Variants in GDF10 observed in about 807,000 individuals in gnomAD.
GDF10 encodes growth/differentiation factor 10.
In GDF10, 23 loss-of-function variants were observed where a neutral mutation model predicts 32.1. The ratio of observed to expected loss-of-function variants is 0.72; its 90% CI spans 0.52 to 1.02. The LOEUF is 1.02. Ranked by LOEUF, GDF10 falls within the 50% of genes least tolerant of loss-of-function variation. GDF10 has a pLI of 0.00. For missense variants in GDF10, 764 were observed against 673.9 expected, an observed-to-expected ratio of 1.13 and a Z score of -1.48; for synonymous variants, 328 against 303.1, an observed-to-expected ratio of 1.08 and a Z score of -0.85.
chr10:47,311,420 GCA>G (rs1158281176), intron 2 of GDF10, among the ~76,000 whole-genome samples: 1 of 152,202 alleles, frequency 6.6e-6, no homozygotes, highest in Non-Finnish European at 1.5e-5. Context: ...TCGGCACTCA[GCA>G]CACAGTTTCT....
chr10:47,309,314 A>G (rs2061034191), intron 1 of GDF10, among the ~76,000 whole-genome samples: 1 of 152,202 alleles, frequency 6.6e-6, no homozygotes, highest in East Asian at 1.9e-4. Flanking sequence ...TAATGATTGC[A>G]TTTAAAAACT....
chr10:47,305,915 G>T (rs542053208), intron 1 of GDF10, among the ~76,000 whole-genome samples: 7 of 152,176 alleles, frequency 4.6e-5, no homozygotes, highest in African/African-American at 1.4e-4. Context: ...TTTGCAAAAC[G>T]TGCTGCAGTT....
intron 2 of GDF10, among the ~76,000 whole-genome samples, 193 bp from the exon 3 acceptor site, chr10:47,312,408 C>T (rs1471266022): frequency 3.3e-5 from 5 of 152,188 alleles, no homozygotes; most frequent in South Asian, 2.1e-4. Context: ...CGGAACTCAG[C>T]GTATGTCTGA....
At position 47,300,393 on chromosome 10, in the gene GDF10, C is replaced by A. The variant is rs1391536234; in HGVS notation, c.-259C>A. The A allele has an allele frequency of 5.5e-5, 21 of 380,444 alleles. No individual in the cohort carries two copies. In the East Asian group the frequency reaches 8.2e-4, roughly 15 times the overall value. The allele number at this position is 380,444 out of a possible 1,614,324, so 23.6% of individuals were successfully genotyped here. ...AGTCCGCCAAGGCAGCGCGCCGACT[C>A]GGGCTCGGCTCGGCTCTGCGCTGCT... On this transcript the variant is annotated 5_prime_UTR_variant, in exon 1 of 3. Coordinates refer to ENST00000580279, the MANE Select transcript of GDF10 (RefSeq NM_004962.5).
In GDF10 at chr10:47,310,188, A is replaced by G; in HGVS notation, c.712A>G (p.Ser238Gly). ...EERDPGVPRP[S>G]PYAPYILVYA... ...GAGGGACCCGGGGGTGCCCCGGCCC[A>G]GCCCCTATGCGCCCTACATCCTAGT... Residue 238 changes from serine (S) to glycine (G), a missense_variant, in exon 2 of 3, where the codon AGC (serine) becomes GGC (glycine). Transcript: ENST00000580279. The G allele has an allele frequency of 6.2e-7, 1 of 1,611,888 alleles. No homozygotes were observed. Among genetic ancestry groups the G allele is most frequent in the Non-Finnish European group, 8.5e-7 (1 of 1,179,290 alleles).
rs1279907168 is a variant in GDF10 at position 47,310,476 on chromosome 10, C to G, written c.1000C>G (p.Arg334Gly). 3.7e-6 allele frequency: 6 copies of G among 1,613,592 alleles called. No homozygotes were observed. The African/African-American group carries it at 6.7e-5, about 18-fold the overall frequency. The change falls in exon 2 of 3, where the codon CGG becomes GGG. Residue 334 changes from arginine (R) to glycine (G), a missense_variant. Coordinates refer to ENST00000580279, the MANE Select transcript of GDF10 (RefSeq NM_004962.5). ...WPSPFRALKP[R>G]PGRKDRRKKG... Reference sequence around the variant, plus strand: ...CAGCCCCTTCCGGGCGCTGAAACCCCGGCCAGGGCGCAAAGACCGCAGGAA... The same window carrying G: ...CAGCCCCTTCCGGGCGCTGAAACCCGGGCCAGGGCGCAAAGACCGCAGGAA...
rs1555207896 is a variant in GDF10 at position 47,312,712 on chromosome 10, G to A, written c.1357G>A (p.Val453Ile). Residue 453 changes from valine (V) to isoleucine (I), a missense_variant, in exon 3 of 3, where the codon GTC (valine) becomes ATC (isoleucine). Physicochemically the swap from Val to Ile is conservative, Grantham distance 29. Coordinates refer to ENST00000580279, the MANE Select transcript of GDF10 (RefSeq NM_004962.5). ...CVPDKMNSLG[V>I]LFLDENRNVV... ...TCCCGATAAGATGAACTCCCTTGGG[G>A]TCCTCTTCCTGGATGAGAATCGGAA... 3 of 1,608,526 alleles carry A rather than the reference G, an allele frequency of 1.9e-6. No homozygotes were observed.
intron 1 of GDF10, among the ~76,000 whole-genome samples, chr10:47,304,672 A>G (rs1465718522): frequency 6.6e-6 from 1 of 152,230 alleles, no homozygotes; most frequent in Non-Finnish European, 1.5e-5. Context: ...ATATGGATAT[A>G]TGGATATATT....
chr10:47,301,078 G>T (rs2061003213), intron 1 of GDF10, 108 bp downstream of exon 1: 2 of 713,998 alleles, frequency 2.8e-6, no homozygotes, highest in Non-Finnish European at 4.3e-6. Context: ...CAACGGGTGA[G>T]TGGTTCATTC....
rs782613346 is a variant in GDF10 at position 47,309,950 on chromosome 10, A to C, written c.474A>C (p.Ser158=). The C allele has an allele frequency of 4.3e-6, 7 of 1,612,328 alleles. No homozygotes were observed. The East Asian group carries it at 8.9e-5, about 21-fold the overall frequency. The change falls in exon 2 of 3, where the codon TCA becomes TCC. Residue 158 remains serine (S), a synonymous_variant. Coordinates refer to ENST00000580279, the MANE Select transcript of GDF10 (RefSeq NM_004962.5). Reference sequence around the variant, plus strand: ...GCAAGCCGCGGGCCAAGAACGCTTCAGGCCGCCCGCTGCCCCTGGGCCCGC... The same window carrying C: ...GCAAGCCGCGGGCCAAGAACGCTTCCGGCCGCCCGCTGCCCCTGGGCCCGC... ...VLCKPRAKNA[S]GRPLPLGPPT... is the part of the protein sequence containing the mutation.
Position 47,310,331 on chromosome 10 carries a change from C to A in GDF10, c.855C>A (p.Asp285Glu). The stretch of plus-strand genomic sequence containing the variant: ...GCGCAGCCCCCAACAACTCAGCGGA[C>A]CCCCGCGTGCGCCGAGCCGCGCAGG... ...EPRAAPNNSADPRVRRAAQAT... is the reference protein window; with the variant it reads ...EPRAAPNNSAEPRVRRAAQAT... The change falls in exon 2 of 3, where the codon GAC becomes GAA. Residue 285 changes from aspartate (D) to glutamate (E), a missense_variant. Physicochemically the swap from Asp to Glu is conservative, Grantham distance 45 (BLOSUM62 2). Coordinates refer to ENST00000580279, the MANE Select transcript of GDF10 (RefSeq NM_004962.5). 1 of 1,605,652 alleles carries A rather than the reference C, an allele frequency of 6.2e-7. No homozygotes were observed. The highest frequency in any genetic ancestry group is 8.5e-7 in the Non-Finnish European group (1 of 1,176,662).
intron 2 of GDF10, 26 bp from the exon 3 acceptor site, chr10:47,312,575 A>T: frequency 6.6e-7 from 1 of 1,515,454 alleles, no homozygotes; most frequent in Non-Finnish European, 9.0e-7. Context: ...GAGCTGAGGT[A>T]ACCCTACTCC....
At chr10:47,304,549 T>C (rs377701635) in intron 1 of GDF10, among the ~76,000 whole-genome samples, 2 of 152,286 alleles carry the variant, frequency 1.3e-5, no homozygotes, top group African/African-American at 2.4e-5. Flanking sequence ...TAGCCAGATA[T>C]AACCGGAATT....
rs1555207903 is a variant in GDF10 at position 47,312,746 on chromosome 10, T to C, written c.1391T>C (p.Leu464Pro). 6 of 1,606,020 alleles carry C rather than the reference T, an allele frequency of 3.7e-6. No individual in the cohort carries two copies. The highest frequency in any genetic ancestry group is 5.1e-6 in the Non-Finnish European group (6 of 1,175,866). The stretch of plus-strand genomic sequence containing the variant: ...CTGGATGAGAATCGGAATGTGGTTC[T>C]GAAGGTGTACCCCAACATGTCCGTG... ...LFLDENRNVV[L>P]KVYPNMSVDT... The change falls in exon 3 of 3, where the codon CTG becomes CCG. Residue 464 changes from leucine (L) to proline (P), a missense_variant. Physicochemically the swap from Leu to Pro is moderately conservative, Grantham distance 98. Transcript: ENST00000580279.
chr10:47,310,005 C>T lies in GDF10; in HGVS notation c.529C>T (p.Leu177Phe), dbSNP rs1040533972. The change falls in exon 2 of 3, where the codon CTC becomes TTC. Residue 177 changes from leucine (L) to phenylalanine (F), a missense_variant. Physicochemically the swap from Leu to Phe is conservative, Grantham distance 22. Transcript: ENST00000580279. ...PTRQHLLFRS[L>F]SQNTATQGLL... ...ACGCCAGCACCTGCTCTTCCGCAGC[C>T]TCTCGCAGAACACGGCCACACAGGG... 6.2e-7 allele frequency: 1 copy of T among 1,610,170 alleles called. No individual in the cohort carries two copies. Among genetic ancestry groups the T allele is most frequent in the Non-Finnish European group, 8.5e-7 (1 of 1,178,402 alleles).
chr10:47,300,400 G>A lies in GDF10; in HGVS notation c.-252G>A, dbSNP rs2060998909. ...CAAGGCAGCGCGCCGACTCGGGCTCGGCTCGGCTCTGCGCTGCTCCGGACG... is the reference window on the plus strand; with the variant it reads ...CAAGGCAGCGCGCCGACTCGGGCTCAGCTCGGCTCTGCGCTGCTCCGGACG... On this transcript the variant is annotated 5_prime_UTR_variant, in exon 1 of 3. Transcript: ENST00000580279. 1 of 387,448 alleles carries A rather than the reference G, an allele frequency of 2.6e-6. No homozygotes were observed. Among genetic ancestry groups the A allele is most frequent in the Non-Finnish European group, 4.5e-6 (1 of 219,906 alleles). 24.0% of individuals were successfully genotyped at this position (387,448 alleles called of 1,614,324 possible).
chr10:47,309,565 A>G (rs146524998), intron 1 of GDF10, among the ~76,000 whole-genome samples: 429 of 152,306 alleles, frequency 2.8e-3, no homozygotes, highest in African/African-American at 9.8e-3. Context: ...GTTGTTTGCT[A>G]CGGGATATTG....
At position 47,300,944 on chromosome 10, in the gene GDF10, C is replaced by A; in HGVS notation, c.293C>A (p.Thr98Lys). 6.6e-7 allele frequency: 1 copy of A among 1,520,550 alleles called. No individual in the cohort carries two copies. The allele number at this position is 1,520,550 out of a possible 1,614,324, so 94.2% of individuals were successfully genotyped here. A position where few individuals can be genotyped will look rare whatever the true frequency, so the allele number is the denominator to read the frequency against. ...RQGARPGGGN[T>K]VRSFRARLEV... ...GGCGCGCGGCCGGGAGGGGGCAACA[C>A]GGTCCGCAGCTTCAGGGCCAGGCTG... Residue 98 changes from threonine (T) to lysine (K), a missense_variant, in exon 1 of 3, where the codon ACG becomes AAG. Physicochemically the swap from Thr to Lys is moderately conservative, Grantham distance 78. Coordinates refer to ENST00000580279, the MANE Select transcript of GDF10 (RefSeq NM_004962.5).
In GDF10 at chr10:47,300,888, G is replaced by T; in HGVS notation, c.237G>T (p.Met79Ile). The T allele has an allele frequency of 6.3e-7, 1 of 1,587,840 alleles. No individual in the cohort carries two copies. The highest frequency in any genetic ancestry group is 8.5e-7 in the Non-Finnish European group (1 of 1,175,256). ...PSAQDMVAVH[M>I]HRLYEKYSRQ... is the part of the protein sequence containing the mutation. Reference sequence around the variant, plus strand: ...CCCAGGACATGGTCGCTGTCCACATGCACAGGCTCTATGAGAAGTACAGCC... The same window carrying T: ...CCCAGGACATGGTCGCTGTCCACATTCACAGGCTCTATGAGAAGTACAGCC... Residue 79 changes from methionine (M) to isoleucine (I), a missense_variant, in exon 1 of 3, where the codon ATG becomes ATT. Coordinates refer to ENST00000580279, the MANE Select transcript of GDF10 (RefSeq NM_004962.5).
Sources: gnomAD v4.1 joint callset for allele counts (sites outside exome capture counted in the v4.1 genomes callset) on GRCh38, gnomAD v4.1.1 for gene constraint, MANE v1.5 for transcripts, NCBI Gene and HGNC (gene_info 2026-07-23, HGNC 2026-07-21) for gene names.